SLCO3A1: variants seen among roughly 807,000 people sequenced by gnomAD.
The protein encoded by SLCO3A1 is PGE1 transporter.
Under a neutral mutation model 63.1 loss-of-function variants are expected in SLCO3A1, and 27 were observed. That is an observed-to-expected ratio of 0.43 (90% CI 0.32 to 0.59). The LOEUF is 0.59. SLCO3A1 is among the 20% of genes least tolerant of loss of function. SLCO3A1 has a pLI of 0.09. For missense variants in SLCO3A1, 773 were observed against 945.8 expected (o/e 0.82, Z 2.40); for synonymous variants, 473 against 409.9 (o/e 1.15, Z -1.86).
At chr15:91,928,905 A>G (rs575179786) in intron 2 of SLCO3A1, among the ~76,000 whole-genome samples, 1 of 152,344 alleles carries the variant, frequency 6.6e-6, no homozygotes, top group Non-Finnish European at 1.5e-5. Flanking sequence ...CACTTATGCA[A>G]CTTGGACTTG....
chr15:92,128,450 C>CACCT lies in SLCO3A1; in HGVS notation c.1478_1481dup (p.Ser495ProfsTer25). ...CTCCAGTGTGTGGGGCAGATGGCATCACCTACCTGTCTGCCTGCTTTGCTG... is the reference window on the plus strand; with the variant it reads ...CTCCAGTGTGTGGGGCAGATGGCATCACCTACCTACCTGTCTGCCTGCTTTGCTG... On this transcript the variant is annotated frameshift_variant, in exon 7 of 10. Coordinates refer to ENST00000318445, the MANE Select transcript of SLCO3A1 (RefSeq NM_013272.4). LOFTEE classifies it high-confidence loss of function. 6.2e-7 allele frequency: 1 copy of CACCT among 1,614,034 alleles called. No individual in the cohort carries two copies. The highest frequency in any genetic ancestry group is 8.5e-7 in the Non-Finnish European group (1 of 1,179,964).
At chr15:92,024,954 T>A (rs924005677) in intron 2 of SLCO3A1, among the ~76,000 whole-genome samples, 3 of 152,086 alleles carry the variant, frequency 2.0e-5, no homozygotes, top group Admixed American at 6.6e-5. Flanking sequence ...TCCCTCCATC[T>A]GTTCATCCAT....
At chr15:91,965,396 C>A (rs1346531173) in intron 2 of SLCO3A1, among the ~76,000 whole-genome samples, 2 of 152,178 alleles carry the variant, frequency 1.3e-5, no homozygotes, top group Admixed American at 1.3e-4. Context: ...TGAAGAAGGA[C>A]TTTTAAAACT....
chr15:91,971,320 G>A (rs946974064), intron 2 of SLCO3A1, among the ~76,000 whole-genome samples: 3 of 146,770 alleles, frequency 2.0e-5, no homozygotes, highest in Non-Finnish European at 4.5e-5. Context: ...GGGTGAACCC[G>A]GGAGGCGGAG....
chr15:92,122,937 G>A (rs758382739), intron 5 of SLCO3A1, among the ~76,000 whole-genome samples: 11 of 152,180 alleles, frequency 7.2e-5, no homozygotes, highest in Non-Finnish European at 1.5e-4. Context: ...GTTAATTGAG[G>A]TGACAGAGGC....
chr15:92,022,855 C>T (rs2046527338), intron 2 of SLCO3A1, among the ~76,000 whole-genome samples: 1 of 148,900 alleles, frequency 6.7e-6, no homozygotes, highest in South Asian at 2.1e-4. Context: ...GCAGAAAAGG[C>T]AGGGGCACTG....
intron 7 of SLCO3A1, among the ~76,000 whole-genome samples, chr15:92,144,078 C>T (rs962110674): frequency 6.6e-6 from 1 of 152,238 alleles, no homozygotes; most frequent in Non-Finnish European, 1.5e-5. Flanking sequence ...GTCTGTGTGT[C>T]CGTCCTTATG....
chr15:92,131,355 C>T (rs993642448), intron 7 of SLCO3A1, among the ~76,000 whole-genome samples: 1 of 142,872 alleles, frequency 7.0e-6, no homozygotes, highest in Admixed American at 7.1e-5. Flanking sequence ...CTCCCTATTC[C>T]TCCCACCTCT....
At position 92,165,083 on chromosome 15, in the gene SLCO3A1, A is replaced by C; in HGVS notation, c.*1948A>C. The C allele has an allele frequency of 1.0e-6, 1 of 985,412 alleles. No homozygotes were observed. Among genetic ancestry groups the C allele is most frequent in the African/African-American group, 1.7e-5 (1 of 57,374 alleles). The allele number at this position is 985,412 out of a possible 1,614,324, so 61.0% of individuals were successfully genotyped here. ...GGACAGGTATGGTACCGAATTTTTA[A>C]TGAACATTGTAAATGAAGAGGCTTG... On this transcript the variant is annotated 3_prime_UTR_variant, in exon 10 of 10. Transcript: ENST00000318445.
chr15:91,993,864 T>C (rs1461966642), intron 2 of SLCO3A1, among the ~76,000 whole-genome samples: 1 of 152,230 alleles, frequency 6.6e-6, no homozygotes, highest in Non-Finnish European at 1.5e-5. Context: ...CTGGTCACCA[T>C]GTTGTGAGGA....
rs1898531893 is a variant in SLCO3A1, at chr15:91,912,973, A to G, written c.181-3020A>G. Among the ~76,000 whole-genome samples the G allele has an allele frequency of 1.3e-5, 2 of 152,198 alleles. No individual in the cohort carries two copies. The highest frequency in any genetic ancestry group is 2.4e-5 in the African/African-American group (1 of 41,442). On this transcript the variant is annotated intron_variant, in intron 1 of 9. Coordinates refer to ENST00000318445, the MANE Select transcript of SLCO3A1 (RefSeq NM_013272.4). This position sits in a 1 kb window ranked among gnomAD's most constrained non-coding sequence, Gnocchi z 5.0. ...ATTATAAACCTCTGGTAAATCATTT[A>G]TTCCATCATGTATGTATGTTTGTTT... is the stretch of plus-strand genomic sequence containing the variant.
chr15:91,945,356 A>AC (rs1158561992), intron 2 of SLCO3A1, among the ~76,000 whole-genome samples: 1 of 151,558 alleles, frequency 6.6e-6, no homozygotes, highest in Non-Finnish European at 1.5e-5. Flanking sequence ...AAAAAAAAAA[A>AC]ATTACGTGGC....
rs188298589 is a variant in SLCO3A1, at chr15:92,069,535, C to T, written c.647-25346C>T. On this transcript the variant is annotated intron_variant, in intron 2 of 9. Transcript: ENST00000318445. ...TTCACTACGCAAGGGAGGTGTCACTCCAGGTGACCTAAACCTGGCTTGTGT... is the reference window on the plus strand; with the variant it reads ...TTCACTACGCAAGGGAGGTGTCACTTCAGGTGACCTAAACCTGGCTTGTGT... 5.9e-5 allele frequency among the ~76,000 whole-genome samples: 9 copies of T among 152,310 alleles called. No individual in the cohort carries two copies. In the East Asian group the frequency reaches 1.7e-3, roughly 29 times the overall value.
At chr15:92,090,679 C>T (rs980471195) in intron 2 of SLCO3A1, among the ~76,000 whole-genome samples, 18 of 152,098 alleles carry the variant, frequency 1.2e-4, no homozygotes, top group Admixed American at 3.9e-4. Flanking sequence ...CAGCCCCTCT[C>T]CCCCAAAGAT....
chr15:92,151,085 A>G (rs939999075), intron 9 of SLCO3A1, 71 bp downstream of exon 9: 135 of 1,026,054 alleles, frequency 1.3e-4, no homozygotes, highest in South Asian at 1.1e-3. Context: ...CTGTCAGTCA[A>G]ATTATCCCAT....
At position 92,033,301 on chromosome 15, in the gene SLCO3A1, G is replaced by A. The variant is rs1057222775; in HGVS notation, c.647-61580G>A. Among the ~76,000 whole-genome samples, 2 of 152,186 alleles carry A rather than the reference G, an allele frequency of 1.3e-5. No homozygotes were observed. The highest frequency in any genetic ancestry group is 2.4e-5 in the African/African-American group (1 of 41,448). ...TGCAAGTGTGGAAATGGACACGGAT[G>A]TCCTCTTAGTATTTCTGCCCTTTGG... On this transcript the variant is annotated intron_variant, in intron 2 of 9. Transcript: ENST00000318445. This position sits in a 1 kb window ranked among gnomAD's most constrained non-coding sequence, Gnocchi z 4.5.
At chr15:92,093,563 AC>A (rs2047503223) in intron 2 of SLCO3A1, among the ~76,000 whole-genome samples, 1 of 152,038 alleles carries the variant, frequency 6.6e-6, no homozygotes, top group South Asian at 2.1e-4. Context: ...GTATTTAAAA[AC>A]CATTTGCCTT....
chr15:91,984,708 A>G (rs1179277604), intron 2 of SLCO3A1, among the ~76,000 whole-genome samples: 1 of 152,186 alleles, frequency 6.6e-6, no homozygotes, highest in Non-Finnish European at 1.5e-5. Context: ...CAAGACATAG[A>G]GATATTTAGA....
chr15:92,134,589 A>G (rs1338057990), intron 7 of SLCO3A1, among the ~76,000 whole-genome samples: 6 of 152,234 alleles, frequency 3.9e-5, no homozygotes, highest in Non-Finnish European at 4.4e-5. Flanking sequence ...ATATATGCAT[A>G]TCTTTGCATA....
Sources: gnomAD v4.1 joint callset for allele counts (sites outside exome capture counted in the v4.1 genomes callset) on GRCh38, gnomAD v4.1.1 for gene constraint, Gnocchi (gnomAD v3.1) non-coding constraint, MANE v1.5 for transcripts, NCBI Gene and HGNC (gene_info 2026-07-23, HGNC 2026-07-21) for gene names.